ATP8A2: variants seen among roughly 807,000 people sequenced by gnomAD.
The protein encoded by ATP8A2 is phospholipid-transporting ATPase IB.
In ATP8A2, 100 loss-of-function variants were observed where a neutral mutation model predicts 165.6. That is an observed-to-expected ratio of 0.60 (90% CI 0.51 to 0.71). The LOEUF (loss-of-function observed/expected upper bound fraction) is 0.71, where lower values mean the gene tolerates loss of function less well. Ranked by LOEUF, ATP8A2 falls within the 30% of genes least tolerant of loss-of-function variation. ATP8A2 has a pLI of 0.00. For missense variants in ATP8A2, 1,227 were observed against 1,479.5 expected, an observed-to-expected ratio of 0.83 and a Z score of 2.80; for synonymous variants, 543 against 548.8, an observed-to-expected ratio of 0.99 and a Z score of 0.15.
At chr13:25,787,067 G>A (rs564096716) in intron 27 of ATP8A2, among the ~76,000 whole-genome samples, 3 of 152,304 alleles carry the variant, frequency 2.0e-5, no homozygotes, top group East Asian at 3.9e-4. Flanking sequence ...ACAGGCATGA[G>A]CCACCGTCCC....
At chr13:25,779,588 T>G (rs573522003) in intron 27 of ATP8A2, among the ~76,000 whole-genome samples, 2 of 152,266 alleles carry the variant, frequency 1.3e-5, no homozygotes, top group African/African-American at 4.8e-5. Context: ...TTTTCTTCTC[T>G]TTTTGCAATA....
At chr13:25,946,097 A>T in intron 33 of ATP8A2, among the ~76,000 whole-genome samples, 1 of 152,088 alleles carries the variant, frequency 6.6e-6, no homozygotes, top group Non-Finnish European at 1.5e-5. Flanking sequence ...TGAGGCACGG[A>T]GAGGTTAATT....
chr13:25,865,411 C>G (rs1236084447), intron 33 of ATP8A2, among the ~76,000 whole-genome samples: 3 of 152,178 alleles, frequency 2.0e-5, no homozygotes, highest in African/African-American at 7.2e-5. Context: ...AACAGCATTT[C>G]TCACTCAGAA....
At chr13:25,491,167 A>G (rs2137642590) in intron 2 of ATP8A2, among the ~76,000 whole-genome samples, 1 of 151,538 alleles carries the variant, frequency 6.6e-6, no homozygotes, top group Non-Finnish European at 1.5e-5. Context: ...GTGCTGTTGG[A>G]CTTGATTTAT....
At chr13:25,683,769 C>A (rs1207757574) in intron 24 of ATP8A2, among the ~76,000 whole-genome samples, 3 of 151,756 alleles carry the variant, frequency 2.0e-5, no homozygotes, top group African/African-American at 7.3e-5. Context: ...CAAGTTTAGC[C>A]TACAGTGGTG....
rs777228217 is a variant in ATP8A2, at chr13:25,503,413, G to A, written c.222-26586G>A. Among the ~76,000 whole-genome samples, 43 of 152,268 alleles carry A rather than the reference G, an allele frequency of 2.8e-4. 1 individual carries two copies. In the Middle Eastern group the frequency reaches 0.01, roughly 36 times the overall value. ...ACAAGTAATGACACCATGAAGCAGC[G>A]TTCATACAGAACTTTCCAGCTGCAG... On this transcript the variant is annotated intron_variant, in intron 2 of 36. Coordinates refer to ENST00000381655, the MANE Select transcript of ATP8A2 (RefSeq NM_016529.6).
intron 23 of ATP8A2, among the ~76,000 whole-genome samples, chr13:25,584,914 T>C (rs573387975): frequency 6.6e-6 from 1 of 152,344 alleles, no homozygotes; most frequent in East Asian, 1.9e-4. Context: ...AGAGTTCATC[T>C]TTAGATTTGG....
intron 35 of ATP8A2, among the ~76,000 whole-genome samples, chr13:26,004,904 A>C (rs1011670791): frequency 2.0e-5 from 3 of 150,600 alleles, no homozygotes; most frequent in African/African-American, 7.3e-5. Context: ...TTTGTTGAGG[A>C]TTTTTGTATA....
chr13:25,935,614 T>C (rs938993225), intron 33 of ATP8A2, among the ~76,000 whole-genome samples: 1 of 152,158 alleles, frequency 6.6e-6, no homozygotes, highest in African/African-American at 2.4e-5. Flanking sequence ...CGGGAGCTGG[T>C]ATATCACATG....
At chr13:25,890,362 C>T (rs1034457779) in intron 33 of ATP8A2, among the ~76,000 whole-genome samples, 1 of 152,038 alleles carries the variant, frequency 6.6e-6, no homozygotes, top group African/African-American at 2.4e-5. Flanking sequence ...CCTAACAGAA[C>T]GCCTGGTACA....
intron 1 of ATP8A2, among the ~76,000 whole-genome samples, chr13:25,377,501 C>T (rs1310511993): frequency 2.0e-5 from 3 of 151,884 alleles, no homozygotes; most frequent in Non-Finnish European, 4.4e-5. Flanking sequence ...ATAGATCTGT[C>T]GTAAAAGTAC....
intron 33 of ATP8A2, among the ~76,000 whole-genome samples, chr13:25,919,979 G>A (rs1458436990): frequency 6.6e-6 from 1 of 151,970 alleles, no homozygotes; most frequent in East Asian, 1.9e-4. Context: ...TACAAACAGG[G>A]GTCTCGCTAT....
At chr13:25,666,579 T>C (rs2042160244) in intron 24 of ATP8A2, among the ~76,000 whole-genome samples, 1 of 152,162 alleles carries the variant, frequency 6.6e-6, no homozygotes, top group African/African-American at 2.4e-5. Context: ...AAGCTAAGTT[T>C]TGCTATTGGA....
intron 24 of ATP8A2, among the ~76,000 whole-genome samples, chr13:25,698,165 A>G (rs908853105): frequency 2.6e-5 from 4 of 151,792 alleles, no homozygotes; most frequent in African/African-American, 9.7e-5. Flanking sequence ...TTACATTCTT[A>G]TATTTGAGTG....
intron 25 of ATP8A2, among the ~76,000 whole-genome samples, chr13:25,739,988 T>C (rs994117408): frequency 6.6e-6 from 1 of 152,146 alleles, no homozygotes; most frequent in Admixed American, 6.5e-5. Context: ...GGCTGACCAT[T>C]AGGGGCCACC....
At chr13:25,674,266 C>CT (rs2042326386) in intron 24 of ATP8A2, among the ~76,000 whole-genome samples, 1 of 127,922 alleles carries the variant, frequency 7.8e-6, no homozygotes, top group African/African-American at 4.1e-5. Flanking sequence ...CCAGATGTGT[C>CT]CCCCCCCGAA....
intron 24 of ATP8A2, among the ~76,000 whole-genome samples, chr13:25,629,530 A>G (rs917919020): frequency 2.0e-5 from 3 of 152,140 alleles, no homozygotes; most frequent in East Asian, 3.9e-4. Context: ...AAATATAAAT[A>G]TCTTTATTTT....
At chr13:25,966,981 G>A (rs1221648127) in intron 34 of ATP8A2, among the ~76,000 whole-genome samples, 1 of 152,140 alleles carries the variant, frequency 6.6e-6, no homozygotes, top group Non-Finnish European at 1.5e-5. Context: ...CATCCTTCAG[G>A]AGTAGCCAGG....
At chr13:25,767,719 G>A (rs544901378) in intron 25 of ATP8A2, among the ~76,000 whole-genome samples, 2 of 152,210 alleles carry the variant, frequency 1.3e-5, no homozygotes, top group Non-Finnish European at 2.9e-5. Flanking sequence ...AGGGATATCA[G>A]ATTGTGCAAC....
Sources: allele counts gnomAD v4.1 joint callset (sites outside exome capture counted in the v4.1 genomes callset), GRCh38; gene constraint gnomAD v4.1.1; transcripts MANE v1.5; gene names NCBI Gene and HGNC (gene_info 2026-07-23, HGNC 2026-07-21).